The following RIMS2 variants were observed in gnomAD, a reference collection of about 807,000 sequenced individuals.
The protein encoded by RIMS2 is regulating synaptic membrane exocytosis 2.
In RIMS2, 59 loss-of-function variants were observed where a neutral mutation model predicts 174.4. The observed-to-expected ratio is 0.34, with a 90% CI of 0.27 to 0.42. RIMS2 has a LOEUF of 0.42. Among genes scored for constraint, RIMS2 ranks in the 10% least tolerant of loss-of-function variants. RIMS2 has a pLI of 1.00. For synonymous variants in RIMS2, 606 were observed against 572.5 expected (o/e 1.06, Z -0.84); for missense variants, 1,620 against 1,666.3 (o/e 0.97, Z 0.48).
chr8:104,005,263 T>C (rs1291209861), intron 17 of RIMS2, among the ~76,000 whole-genome samples: 1 of 152,192 alleles, frequency 6.6e-6, no homozygotes, highest in Non-Finnish European at 1.5e-5. Context: ...TACTGCCAAG[T>C]GGAATGCTTA....
intron 1 of RIMS2, among the ~76,000 whole-genome samples, chr8:103,689,585 T>C (rs987399791): frequency 6.6e-5 from 10 of 152,228 alleles, no homozygotes; most frequent in African/African-American, 2.4e-4. Flanking sequence ...TTTTGCTGAA[T>C]TGATTCCTTT....
At chr8:103,926,729 T>C (rs2078864593) in intron 10 of RIMS2, among the ~76,000 whole-genome samples, 1 of 151,418 alleles carries the variant, frequency 6.6e-6, no homozygotes, top group African/African-American at 2.4e-5. Context: ...GGAATCTTGG[T>C]GATAGAAGCA....
intron 3 of RIMS2, among the ~76,000 whole-genome samples, chr8:103,846,306 C>T (rs987151872): frequency 6.6e-6 from 1 of 152,096 alleles, no homozygotes; most frequent in Admixed American, 6.6e-5. Context: ...AATTCAGGTG[C>T]ATATGCTTTA....
At chr8:104,209,327 T>TC (rs774382669) in intron 19 of RIMS2, among the ~76,000 whole-genome samples, 13 of 152,224 alleles carry the variant, frequency 8.5e-5, no homozygotes, top group Non-Finnish European at 1.8e-4. Context: ...CTCTCATGGA[T>TC]CTTTTAATCT....
intron 1 of RIMS2, among the ~76,000 whole-genome samples, chr8:103,549,836 A>G (rs955252119): frequency 6.6e-6 from 1 of 152,182 alleles, no homozygotes; most frequent in Non-Finnish European, 1.5e-5. Context: ...CTCTGATAAA[A>G]CAGACTTTAA....
At chr8:103,551,151 G>A (rs553180040) in intron 1 of RIMS2, among the ~76,000 whole-genome samples, 7 of 152,174 alleles carry the variant, frequency 4.6e-5, no homozygotes, top group Admixed American at 4.6e-4. Flanking sequence ...ACAAAAAAAA[G>A]AGAATTTTAG....
chr8:103,676,498 G>A (rs1167821522), intron 1 of RIMS2, among the ~76,000 whole-genome samples: 1 of 151,842 alleles, frequency 6.6e-6, no homozygotes, highest in African/African-American at 2.4e-5. Context: ...TTCAGAACAG[G>A]ATATTAATTA....
intron 1 of RIMS2, among the ~76,000 whole-genome samples, chr8:103,627,052 G>T (rs2095803013): frequency 6.6e-6 from 1 of 152,144 alleles, no homozygotes; most frequent in Admixed American, 6.5e-5. Context: ...AAGCCTGAGG[G>T]TACTGCAGGA....
At chr8:103,761,815 T>C (rs950629513) in intron 2 of RIMS2, among the ~76,000 whole-genome samples, 7 of 152,198 alleles carry the variant, frequency 4.6e-5, no homozygotes, top group African/African-American at 1.7e-4. Flanking sequence ...TTGGCAATGG[T>C]TAGAGGTAGA....
chr8:104,048,607 AT>A (rs1266606277), intron 19 of RIMS2, among the ~76,000 whole-genome samples: 1 of 152,172 alleles, frequency 6.6e-6, no homozygotes, highest in Non-Finnish European at 1.5e-5. Context: ...ACTAAGCATT[AT>A]TTGTAACAAT....
At chr8:103,787,115 AT>A (rs1225534393) in intron 3 of RIMS2, among the ~76,000 whole-genome samples, 1 of 143,784 alleles carries the variant, frequency 7.0e-6, no homozygotes, top group Non-Finnish European at 1.5e-5. Flanking sequence ...TTTGTTTTCC[AT>A]TTGCTTGGTA....
chr8:104,091,411 G>T (rs2097654381), intron 19 of RIMS2, among the ~76,000 whole-genome samples: 3 of 151,384 alleles, frequency 2.0e-5, no homozygotes, highest in Admixed American at 2.0e-4. Flanking sequence ...AAGAATCAGA[G>T]AAAAGTCTCC....
intron 19 of RIMS2, among the ~76,000 whole-genome samples, chr8:104,207,860 G>A (rs2099087811): frequency 6.7e-6 from 1 of 149,752 alleles, no homozygotes; most frequent in South Asian, 2.1e-4. Context: ...ATATATTTGT[G>A]AATAATATTC....
Position 104,248,901 on chromosome 8 carries a change from C to G in RIMS2, c.3589+88C>G, listed in dbSNP as rs1231533887. 3 of 680,530 alleles carry G rather than the reference C, an allele frequency of 4.4e-6. No homozygotes were observed. In the Admixed American group the frequency reaches 7.4e-5, roughly 17 times the overall value. The allele number at this position is 680,530 out of a possible 1,614,324, so 42.2% of individuals were successfully genotyped here. A position where few individuals can be genotyped will look rare whatever the true frequency, so the allele number is the denominator to read the frequency against. On this transcript the variant is annotated intron_variant, in intron 21 of 23. Transcript: ENST00000504942. ...AAATTTCATAGAATCTTCTCTCTCTCTCTCTCTCTCTTTCCCTCTCTCTCT... is the reference window on the plus strand; with the variant it reads ...AAATTTCATAGAATCTTCTCTCTCTGTCTCTCTCTCTTTCCCTCTCTCTCT...
chr8:103,940,865 G>A (rs1238466475), intron 13 of RIMS2, among the ~76,000 whole-genome samples: 1 of 140,732 alleles, frequency 7.1e-6, no homozygotes, highest in Admixed American at 7.3e-5. Flanking sequence ...GACAGAGTGA[G>A]ACTCCATCTC....
intron 3 of RIMS2, among the ~76,000 whole-genome samples, chr8:103,857,779 A>C (rs1350573223): frequency 6.6e-6 from 1 of 152,236 alleles, no homozygotes. Context: ...CACTATGTCT[A>C]TTACAACTCT....
chr8:103,662,934 G>C (rs2096621961), intron 1 of RIMS2, among the ~76,000 whole-genome samples: 1 of 152,052 alleles, frequency 6.6e-6, no homozygotes, highest in Non-Finnish European at 1.5e-5. Flanking sequence ...ACTTTGGGAG[G>C]CCCAGGCAGG....
At chr8:104,146,466 CA>C (rs1400553137) in intron 19 of RIMS2, among the ~76,000 whole-genome samples, 4 of 152,110 alleles carry the variant, frequency 2.6e-5, no homozygotes, top group Admixed American at 1.3e-4. Context: ...GCACTTGTTT[CA>C]AACAAAGTTC....
At chr8:103,927,189 T>G (rs1379178320) in intron 10 of RIMS2, among the ~76,000 whole-genome samples, 1 of 151,554 alleles carries the variant, frequency 6.6e-6, no homozygotes, top group Non-Finnish European at 1.5e-5. Flanking sequence ...CAGTGTTATC[T>G]TGAGTGATAC....
Sources: gnomAD v4.1 joint callset for allele counts (sites outside exome capture counted in the v4.1 genomes callset) on GRCh38, gnomAD v4.1.1 for gene constraint, MANE v1.5 for transcripts, NCBI Gene and HGNC (gene_info 2026-07-23, HGNC 2026-07-21) for gene names.